The following MARCHF5 variants were observed in gnomAD, a reference collection of about 807,000 sequenced individuals.
MARCHF5 encodes the protein E3 ubiquitin-protein ligase MARCHF5.
MARCHF5 carries 5 observed loss-of-function variants against 36.5 expected under a neutral mutation model. The observed-to-expected ratio is 0.14, with a 90% CI of 0.07 to 0.29. The LOEUF is 0.29. Among genes scored for constraint, MARCHF5 ranks in the 10% least tolerant of loss-of-function variants. The pLI is 1.00. For synonymous variants in MARCHF5, 103 were observed against 109.9 expected (o/e 0.94, Z 0.39); for missense variants, 179 against 336.3 (o/e 0.53, Z 3.66).
chr10:92,337,496 C>A (rs1197548758), intron 2 of MARCHF5, among the ~76,000 whole-genome samples: 2 of 151,874 alleles, frequency 1.3e-5, no homozygotes, highest in Non-Finnish European at 1.5e-5. Context: ...CCACCCTGGG[C>A]AACAAGAGCA....
chr10:92,337,257 T>C (rs778532108), intron 2 of MARCHF5, among the ~76,000 whole-genome samples: 18 of 152,128 alleles, frequency 1.2e-4, no homozygotes, highest in Non-Finnish European at 2.1e-4. Flanking sequence ...GGCTCACACC[T>C]GTAATCCCAA....
intron 1 of MARCHF5, among the ~76,000 whole-genome samples, chr10:92,307,842 A>C (rs1843094892): frequency 6.6e-6 from 1 of 152,060 alleles, no homozygotes. Context: ...ACTGCACTCC[A>C]GCCTGGGCAA....
At position 92,352,069 on chromosome 10, in the gene MARCHF5, GTTATT is replaced by G. The variant is rs2135225205; in HGVS notation, c.*866_*870del. The G allele has an allele frequency of 6.6e-6, 1 of 152,608 alleles. No homozygotes were observed. Among genetic ancestry groups the G allele is most frequent in the East Asian group, 1.9e-4 (1 of 5,188 alleles). The allele number at this position is 152,608 out of a possible 1,614,324, so 9.5% of individuals were successfully genotyped here. A position where few individuals can be genotyped will look rare whatever the true frequency, so the allele number is the denominator to read the frequency against. ...GATGATTTGCAAAAATAAAAATAAA[GTTATT>G]TTACTCTCCTCTTGCATTGATTCAG... On this transcript the variant is annotated 3_prime_UTR_variant, in exon 6 of 6. Transcript: ENST00000358935.
intron 1 of MARCHF5, among the ~76,000 whole-genome samples, chr10:92,299,027 T>C (rs1842980984): frequency 6.6e-6 from 1 of 151,956 alleles, no homozygotes; most frequent in African/African-American, 2.4e-5. Context: ...GGTCTCACTA[T>C]GTTGCCCAGG....
At chr10:92,291,734 C>G (rs1241928758) in intron 1 of MARCHF5, 1 of 295,762 alleles carries the variant, frequency 3.4e-6, no homozygotes. Flanking sequence ...TTGGGTGAAA[C>G]TTAGCTAAGG....
At chr10:92,296,244 T>C (rs1181092095) in intron 1 of MARCHF5, among the ~76,000 whole-genome samples, 1 of 152,192 alleles carries the variant, frequency 6.6e-6, no homozygotes, top group East Asian at 1.9e-4. Flanking sequence ...AAATTTATTA[T>C]TTGAACCTTT....
Position 92,352,529 on chromosome 10 carries a change from A to G in MARCHF5, c.*1322A>G, listed in dbSNP as rs1432495880. ...ATGGTTATTTTTGTTAATTAAAATT[A>G]AATTTTTAAGAGATATTTTCAAAAC... is the stretch of plus-strand genomic sequence containing the variant. On this transcript the variant is annotated 3_prime_UTR_variant, in exon 6 of 6. Coordinates refer to ENST00000358935, the MANE Select transcript of MARCHF5 (RefSeq NM_017824.5). 1 of 152,222 alleles carries G rather than the reference A, an allele frequency of 6.6e-6. No homozygotes were observed. Among genetic ancestry groups the G allele is most frequent in the Non-Finnish European group, 1.5e-5 (1 of 68,036 alleles). 9.4% of individuals were successfully genotyped at this position (152,222 alleles called of 1,614,324 possible). A position where few individuals can be genotyped will look rare whatever the true frequency, so the allele number is the denominator to read the frequency against.
At chr10:92,297,741 C>T (rs1391134476) in intron 1 of MARCHF5, among the ~76,000 whole-genome samples, 4 of 152,232 alleles carry the variant, frequency 2.6e-5, no homozygotes, top group African/African-American at 7.2e-5. Context: ...CCACCTGCCT[C>T]GGCCTCCCAA....
intron 1 of MARCHF5, 69 bp downstream of exon 1, chr10:92,291,598 G>T (rs1376030761): frequency 1.7e-5 from 25 of 1,464,244 alleles, no homozygotes; most frequent in Non-Finnish European, 1.9e-5. Context: ...GCCCGCCCTC[G>T]AGGCTCTTGG....
chr10:92,325,036 T>C (rs1843338273), intron 2 of MARCHF5, among the ~76,000 whole-genome samples: 1 of 152,180 alleles, frequency 6.6e-6, no homozygotes, highest in African/African-American at 2.4e-5. Flanking sequence ...TTTACCTGTT[T>C]ATTATTTAAA....
intron 2 of MARCHF5, among the ~76,000 whole-genome samples, chr10:92,325,152 G>A (rs1183913581): frequency 6.6e-6 from 1 of 152,082 alleles, no homozygotes; most frequent in Non-Finnish European, 1.5e-5. Flanking sequence ...GAGCAACATA[G>A]TGAGACCCTG....
chr10:92,329,593 T>C (rs915428953), intron 2 of MARCHF5, among the ~76,000 whole-genome samples: 4 of 152,170 alleles, frequency 2.6e-5, no homozygotes, highest in Non-Finnish European at 2.9e-5. Flanking sequence ...TGCCTGCTCA[T>C]AAAATATATC....
At chr10:92,331,637 A>G (rs1171955600) in intron 2 of MARCHF5, among the ~76,000 whole-genome samples, 2 of 151,860 alleles carry the variant, frequency 1.3e-5, no homozygotes, top group East Asian at 1.9e-4. Context: ...TGTGTTTACA[A>G]TAGATGCTTA....
intron 3 of MARCHF5, among the ~76,000 whole-genome samples, chr10:92,347,558 TAAAG>T (rs1749761843): frequency 1.3e-5 from 2 of 151,924 alleles, no homozygotes; most frequent in African/African-American, 2.4e-5. Context: ...GATAGATAGA[TAAAG>T]AAATTTCCTG....
At chr10:92,312,324 TTC>T (rs1427631136) in intron 2 of MARCHF5, among the ~76,000 whole-genome samples, 4 of 152,228 alleles carry the variant, frequency 2.6e-5, no homozygotes, top group Non-Finnish European at 5.9e-5. Context: ...ATGTCCTTGG[TTC>T]TCTGTTTTTC....
chr10:92,343,906 G>GTAT (rs1843609974), intron 3 of MARCHF5, among the ~76,000 whole-genome samples: 1 of 152,116 alleles, frequency 6.6e-6, no homozygotes, highest in South Asian at 2.1e-4. Flanking sequence ...CAAATAATGA[G>GTAT]TATTAGTACA....
chr10:92,340,850 A>G (rs373741699), intron 3 of MARCHF5, 47 bp downstream of exon 3: 2 of 1,443,780 alleles, frequency 1.4e-6, no homozygotes, highest in South Asian at 1.5e-5. Flanking sequence ...GTGAAGATCT[A>G]TTAAAACATT....
In MARCHF5 at chr10:92,349,504, A is replaced by T. The variant is rs1276175079; in HGVS notation, c.525A>T (p.Lys175Asn). 1.9e-6 allele frequency: 3 copies of T among 1,613,750 alleles called. No individual in the cohort carries two copies. Among genetic ancestry groups the T allele is most frequent in the Non-Finnish European group, 2.5e-6 (3 of 1,179,918 alleles). Reference sequence around the variant, plus strand: ...GACTGTGGCGCAAATACTCGAATAAACTACAAATTTTAAATAGTATATTTC... The same window carrying T: ...GACTGTGGCGCAAATACTCGAATAATCTACAAATTTTAAATAGTATATTTC... ...VLRLWRKYSN[K>N]LQILNSIFPG... Residue 175 changes from lysine (K) to asparagine (N), a missense_variant, in exon 4 of 6, where the codon AAA becomes AAT. This residue lies in a region of MARCHF5 where 95 missense variants were observed against 139.5 expected (regional missense o/e 0.68). Transcript: ENST00000358935.
At chr10:92,327,769 A>C (rs1355079393) in intron 2 of MARCHF5, among the ~76,000 whole-genome samples, 1 of 152,182 alleles carries the variant, frequency 6.6e-6, no homozygotes, top group East Asian at 1.9e-4. Flanking sequence ...TTTTATTATG[A>C]AATATTTCAT....
Sources: gnomAD v4.1 joint callset for allele counts (sites outside exome capture counted in the v4.1 genomes callset) on GRCh38, gnomAD v4.1.1 for gene constraint, gnomAD v4.1.1 regional missense constraint, MANE v1.5 for transcripts, NCBI Gene and HGNC (gene_info 2026-07-23, HGNC 2026-07-21) for gene names.